Variants in NWD2 observed in about 807,000 individuals in gnomAD.
The protein encoded by NWD2 is NACHT and WD repeat domain containing 2.
NWD2 carries 37 observed loss-of-function variants against 132.7 expected under a neutral mutation model. The observed-to-expected ratio is 0.28, with a 90% CI of 0.21 to 0.37. The LOEUF (loss-of-function observed/expected upper bound fraction) is 0.37, where lower values mean the gene tolerates loss of function less well. NWD2 is among the 10% of genes least tolerant of loss of function. NWD2 has a pLI of 1.00. For synonymous variants in NWD2, 705 were observed against 803.0 expected, an observed-to-expected ratio of 0.88 and a Z score of 2.06; for missense variants, 1,592 against 2,122.4, an observed-to-expected ratio of 0.75 and a Z score of 4.91.
At chr4:37,309,713 G>A (rs1221363355) in intron 1 of NWD2, among the ~76,000 whole-genome samples, 1 of 152,144 alleles carries the variant, frequency 6.6e-6, no homozygotes. Flanking sequence ...AATGTGGACT[G>A]CTAGGGATCT....
chr4:37,443,678 G>T lies in NWD2; in HGVS notation c.1690G>T (p.Asp564Tyr). ...QKLRCLIHEE[D>Y]NYIELIPRDR... The stretch of plus-strand genomic sequence containing the variant: ...ACTAAGGTGCCTTATCCATGAAGAA[G>T]ACAACTACATCGAGCTGATTCCCCG... The change falls in exon 7 of 7, where the codon GAC (aspartate) becomes TAC (tyrosine). Residue 564 changes from aspartate (D) to tyrosine (Y), a missense_variant. Coordinates refer to ENST00000309447, the MANE Select transcript of NWD2 (RefSeq NM_001144990.2). This position sits in a 1 kb window ranked among gnomAD's most constrained non-coding sequence, Gnocchi z 4.1. 2 of 1,552,128 alleles carry T rather than the reference G, an allele frequency of 1.3e-6. No individual in the cohort carries two copies. The highest frequency in any genetic ancestry group is 1.7e-6 in the Non-Finnish European group (2 of 1,147,116).
intron 3 of NWD2, among the ~76,000 whole-genome samples, chr4:37,378,399 G>T (rs1720389954): frequency 6.6e-6 from 1 of 152,202 alleles, no homozygotes; most frequent in African/African-American, 2.4e-5. Context: ...GAAACTTTTG[G>T]TTAAGAAAGT....
chr4:37,447,878 A>T lies in NWD2; in HGVS notation c.*661A>T, dbSNP rs1712680221. 6.6e-6 allele frequency: 1 copy of T among 152,210 alleles called. No individual in the cohort carries two copies. Among genetic ancestry groups the T allele is most frequent in the Non-Finnish European group, 1.5e-5 (1 of 68,038 alleles). The allele number at this position is 152,210 out of a possible 1,614,324, so 9.4% of individuals were successfully genotyped here. On this transcript the variant is annotated 3_prime_UTR_variant, in exon 7 of 7. Transcript: ENST00000309447. ...TCTTTATTAAAAGACAGTTGCAACAATTGCATGCGAGGGTTTCTGTATAAC... is the reference window on the plus strand; with the variant it reads ...TCTTTATTAAAAGACAGTTGCAACATTTGCATGCGAGGGTTTCTGTATAAC...
intron 2 of NWD2, among the ~76,000 whole-genome samples, chr4:37,333,606 A>T (rs1719337978): frequency 2.0e-5 from 3 of 152,178 alleles, no homozygotes; most frequent in African/African-American, 7.2e-5. Context: ...CTTCCCAAGA[A>T]TGACAGGTAC....
intron 1 of NWD2, among the ~76,000 whole-genome samples, chr4:37,287,380 C>G (rs920641048): frequency 5.9e-5 from 9 of 152,192 alleles, no homozygotes; most frequent in African/African-American, 1.9e-4. Flanking sequence ...TCATAACTGC[C>G]TAACATACTA....
At chr4:37,325,042 T>C (rs1316026983) in intron 1 of NWD2, among the ~76,000 whole-genome samples, 3 of 152,184 alleles carry the variant, frequency 2.0e-5, no homozygotes, top group East Asian at 1.9e-4. Flanking sequence ...TTTTGAAAAC[T>C]ATATTCATGT....
intron 1 of NWD2, among the ~76,000 whole-genome samples, chr4:37,300,054 A>G (rs879865867): frequency 1.3e-5 from 2 of 152,128 alleles, no homozygotes; most frequent in Non-Finnish European, 2.9e-5. Context: ...CTTCTAGAAG[A>G]TATCTCCTCC....
chr4:37,430,901 A>G, intron 4 of NWD2, 126 bp downstream of exon 4: 1 of 770,672 alleles, frequency 1.3e-6, no homozygotes, highest in Non-Finnish European at 2.0e-6. Context: ...CCTAGGCCCC[A>G]GGTTTTCCTT....
chr4:37,314,049 G>C (rs1179254695), intron 1 of NWD2, among the ~76,000 whole-genome samples: 1 of 152,040 alleles, frequency 6.6e-6, no homozygotes, highest in Non-Finnish European at 1.5e-5. Context: ...TGCTTTTTCT[G>C]CGTCTATTGA....
intron 3 of NWD2, among the ~76,000 whole-genome samples, chr4:37,357,667 G>C (rs1719897924): frequency 1.3e-5 from 2 of 152,086 alleles, no homozygotes; most frequent in Non-Finnish European, 1.5e-5. Context: ...TGCTTTCCCG[G>C]AGCTTACATT....
At chr4:37,336,887 C>T (rs925099267) in intron 2 of NWD2, among the ~76,000 whole-genome samples, 4 of 142,268 alleles carry the variant, frequency 2.8e-5, no homozygotes, top group African/African-American at 7.8e-5. Flanking sequence ...TGCAGTGGGC[C>T]GAGATCAAGA....
intron 2 of NWD2, among the ~76,000 whole-genome samples, chr4:37,329,038 GA>G (rs200752819): frequency 0.23 from 33,734 of 147,524 alleles, 3,838 homozygotes; most frequent in South Asian, 0.32. Flanking sequence ...ATGGTTACAT[GA>G]AAAAAAAAAA....
At chr4:37,283,630 T>C (rs959816533) in intron 1 of NWD2, among the ~76,000 whole-genome samples, 1 of 152,318 alleles carries the variant, frequency 6.6e-6, no homozygotes, top group Non-Finnish European at 1.5e-5. Context: ...GTAAGTCTTG[T>C]ATTTCTGAAA....
chr4:37,331,849 G>A (rs78243720), intron 2 of NWD2, among the ~76,000 whole-genome samples: 17,285 of 152,104 alleles, frequency 0.11, 1,073 homozygotes, highest in East Asian at 0.18. Context: ...CAGCCACATG[G>A]TGCAGAGAAA....
chr4:37,431,511 G>A (rs1004152065), intron 4 of NWD2, among the ~76,000 whole-genome samples: 1 of 152,098 alleles, frequency 6.6e-6, no homozygotes, highest in South Asian at 2.1e-4. Flanking sequence ...ATTTACAAAG[G>A]TCTGGGATTT....
At chr4:37,324,249 GT>G (rs1205660008) in intron 1 of NWD2, among the ~76,000 whole-genome samples, 7 of 152,004 alleles carry the variant, frequency 4.6e-5, no homozygotes, top group African/African-American at 1.4e-4. Flanking sequence ...GAGTTAACAT[GT>G]TTTTAAGAAA....
intron 3 of NWD2, among the ~76,000 whole-genome samples, chr4:37,425,519 G>A (rs1711975763): frequency 6.6e-6 from 1 of 152,146 alleles, no homozygotes; most frequent in African/African-American, 2.4e-5. Flanking sequence ...AATCCCATGT[G>A]TTTATTTTCA....
chr4:37,255,279 G>A (rs1377587156), intron 1 of NWD2, among the ~76,000 whole-genome samples: 2 of 152,170 alleles, frequency 1.3e-5, no homozygotes, highest in African/African-American at 2.4e-5. Flanking sequence ...CTGATATCCC[G>A]GTGTGGCATG....
At chr4:37,411,115 G>T (rs1721146391) in intron 3 of NWD2, among the ~76,000 whole-genome samples, 1 of 152,124 alleles carries the variant, frequency 6.6e-6, no homozygotes, top group Non-Finnish European at 1.5e-5. Context: ...AAATTCAAAA[G>T]CTAGCAGAAG....
Sources: gnomAD v4.1 joint callset for allele counts (sites outside exome capture counted in the v4.1 genomes callset) on GRCh38, gnomAD v4.1.1 for gene constraint, Gnocchi (gnomAD v3.1) non-coding constraint, MANE v1.5 for transcripts, NCBI Gene and HGNC (gene_info 2026-07-23, HGNC 2026-07-21) for gene names.